The following TSHR variants were observed in gnomAD, a reference collection of about 807,000 sequenced individuals.
TSHR encodes the protein thyrotropin receptor.
A neutral mutation model predicts 64.1 loss-of-function variants in TSHR; 51 were observed. The observed-to-expected ratio is 0.80, with a 90% CI of 0.64 to 1.01. The LOEUF is 1.01. Among genes scored for constraint, TSHR ranks in the 50% least tolerant of loss-of-function variants. The pLI, the probability that TSHR is intolerant of heterozygous loss-of-function variation, is 0.00. For synonymous variants in TSHR, 361 were observed against 361.9 expected, an observed-to-expected ratio of 1.00 and a Z score of 0.03; for missense variants, 877 against 942.8, an observed-to-expected ratio of 0.93 and a Z score of 0.91.
chr14:81,121,263 G>A (rs1472148925), intron 8 of TSHR, among the ~76,000 whole-genome samples: 1 of 152,114 alleles, frequency 6.6e-6, no homozygotes, highest in Non-Finnish European at 1.5e-5. Context: ...CGTCTAGACA[G>A]AGAAATCATG....
intron 3 of TSHR, among the ~76,000 whole-genome samples, chr14:81,068,736 G>C (rs1242023704): frequency 6.6e-6 from 1 of 152,140 alleles, no homozygotes; most frequent in Non-Finnish European, 1.5e-5. Context: ...GAATAGTAGG[G>C]AATTTAATAA....
rs551013854 is a variant in TSHR, at chr14:81,040,287, C to T, written c.171-21861C>T. ...CAAGCAGAAGAATGAAAGTAGACCC[C>T]GTCTTTCATCATATACAAAAAATCA... On this transcript the variant is annotated intron_variant, in intron 1 of 9. Coordinates refer to ENST00000298171, the MANE Select transcript of TSHR (RefSeq NM_000369.5). Among the ~76,000 whole-genome samples the T allele has an allele frequency of 3.3e-4, 50 of 151,858 alleles. 2 individuals carry two copies. The South Asian group carries it at 5.6e-3, about 17-fold the overall frequency.
At chr14:80,999,590 AG>A (rs375625746) in intron 1 of TSHR, among the ~76,000 whole-genome samples, 132 of 152,322 alleles carry the variant, frequency 8.7e-4, no homozygotes, top group African/African-American at 3.0e-3. Flanking sequence ...TAAACTATAC[AG>A]GGTTGCTTTA....
chr14:81,056,593 C>T (rs1168807628), intron 1 of TSHR, among the ~76,000 whole-genome samples: 2 of 152,076 alleles, frequency 1.3e-5, no homozygotes, highest in East Asian at 1.9e-4. Flanking sequence ...TTAATATTTT[C>T]AACAATTTGG....
At chr14:81,099,540 G>T (rs1381664327) in intron 7 of TSHR, 2 of 152,168 alleles carry the variant, frequency 1.3e-5, no homozygotes, top group Non-Finnish European at 2.9e-5. Flanking sequence ...AAAAGAATGA[G>T]ATCATGTGAG....
Position 80,983,657 on chromosome 14 carries a change from A to G in TSHR, c.170+27807A>G, listed in dbSNP as rs2139726286. The G allele has an allele frequency of 3.9e-6, 3 of 773,886 alleles. No individual in the cohort carries two copies. The East Asian group carries it at 7.7e-5, about 20-fold the overall frequency. 47.9% of individuals were successfully genotyped at this position (773,886 alleles called of 1,614,324 possible). A position where few individuals can be genotyped will look rare whatever the true frequency, so the allele number is the denominator to read the frequency against. On this transcript the variant is annotated intron_variant, in intron 1 of 9. Transcript: ENST00000298171. Reference sequence around the variant, plus strand: ...CAATGTAAAATGAGCCAGAGATAGAACACTTTGAACCATCTCCAAACTCTA... The same window carrying G: ...CAATGTAAAATGAGCCAGAGATAGAGCACTTTGAACCATCTCCAAACTCTA...
chr14:80,966,561 TC>T (rs1887307394), intron 1 of TSHR, among the ~76,000 whole-genome samples: 2 of 149,808 alleles, frequency 1.3e-5, no homozygotes, highest in Non-Finnish European at 3.0e-5. Flanking sequence ...TGATTTTACA[TC>T]ATAACAGGAG....
intron 1 of TSHR, among the ~76,000 whole-genome samples, chr14:81,003,054 CCACCTATGAGTGAGAATATGCGGTGTTTG>C (rs1889424583): frequency 4.7e-5 from 3 of 63,876 alleles, no homozygotes; most frequent in East Asian, 1.2e-3. Context: ...TGTTCAATTC[CCACCTATGAGTGAGAATATGCGGTGTTTG>C]CTAATGCCTC....
chr14:81,026,659 G>A (rs1884070145), intron 1 of TSHR, among the ~76,000 whole-genome samples: 1 of 152,066 alleles, frequency 6.6e-6, no homozygotes, highest in Admixed American at 6.6e-5. Context: ...TTTAAAAAAA[G>A]ATAAGGCAAT....
intron 1 of TSHR, chr14:81,003,248 G>C (rs7152373): frequency 0.33 from 50,033 of 151,878 alleles, 8,683 homozygotes; most frequent in East Asian, 0.57. Context: ...GACCTCCCCA[G>C]GTGTTTCATC....
chr14:80,964,132 G>A (rs1028753342), intron 1 of TSHR, among the ~76,000 whole-genome samples: 14 of 152,128 alleles, frequency 9.2e-5, no homozygotes, highest in Admixed American at 3.3e-4. Context: ...TTTGAGAGGC[G>A]GAGCGGGGGC....
At chr14:81,006,687 A>AT (rs1375111749) in intron 1 of TSHR, among the ~76,000 whole-genome samples, 5 of 151,614 alleles carry the variant, frequency 3.3e-5, no homozygotes, top group Admixed American at 2.6e-4. Flanking sequence ...TAATTTTTGT[A>AT]TTTTTTTAGT....
chr14:81,026,752 T>C (rs918937705), intron 1 of TSHR, among the ~76,000 whole-genome samples: 2 of 151,916 alleles, frequency 1.3e-5, no homozygotes, highest in African/African-American at 4.8e-5. Context: ...ATAAAAGCTT[T>C]GGGCCAGGCA....
chr14:81,064,417 T>C (rs923127239), intron 2 of TSHR, among the ~76,000 whole-genome samples: 2 of 152,058 alleles, frequency 1.3e-5, no homozygotes, highest in Non-Finnish European at 2.9e-5. Context: ...GGAATTCAAT[T>C]TGGGGCATAT....
At chr14:81,001,590 G>A (rs1889323222) in intron 1 of TSHR, 3 of 525,398 alleles carry the variant, frequency 5.7e-6, no homozygotes, top group Non-Finnish European at 1.1e-5. Flanking sequence ...CTTGGCCTGG[G>A]CACTACCAAC....
At chr14:80,971,589 C>T (rs1003851640) in intron 1 of TSHR, among the ~76,000 whole-genome samples, 7 of 152,156 alleles carry the variant, frequency 4.6e-5, no homozygotes, top group African/African-American at 1.2e-4. Flanking sequence ...TGTCATTCAC[C>T]TTAATCTATT....
intron 9 of TSHR, among the ~76,000 whole-genome samples, chr14:81,142,606 CTTT>C (rs10711545): frequency 3.2e-4 from 31 of 97,222 alleles, no homozygotes; most frequent in Admixed American, 3.2e-4. Flanking sequence ...AACAAGCATT[CTTT>C]TTTTTTTTTT....
intron 3 of TSHR, among the ~76,000 whole-genome samples, chr14:81,077,408 A>C (rs934824462): frequency 4.6e-5 from 7 of 152,238 alleles, no homozygotes; most frequent in Admixed American, 1.3e-4. Flanking sequence ...GTGTGTACAC[A>C]CACATATTCA....
intron 3 of TSHR, among the ~76,000 whole-genome samples, chr14:81,080,168 G>A (rs1454603091): frequency 6.6e-6 from 1 of 152,054 alleles, no homozygotes; most frequent in East Asian, 1.9e-4. Flanking sequence ...TAGCCAGGAT[G>A]GTCTCAATCT....
Sources: allele counts gnomAD v4.1 joint callset (sites outside exome capture counted in the v4.1 genomes callset), GRCh38; gene constraint gnomAD v4.1.1; transcripts MANE v1.5; gene names NCBI Gene and HGNC (gene_info 2026-07-23, HGNC 2026-07-21).